Variants in RNF166 observed in about 807,000 individuals in gnomAD.
RNF166 encodes the protein E3 ubiquitin-protein ligase RNF166.
A neutral mutation model predicts 29.4 loss-of-function variants in RNF166; 19 were observed. The observed-to-expected ratio is 0.65, with a 90% CI of 0.45 to 0.95. The LOEUF is 0.95. Ranked by LOEUF, RNF166 falls within the 40% of genes least tolerant of loss-of-function variation. RNF166 has a pLI of 0.00. For missense variants in RNF166, 347 were observed against 322.1 expected, an observed-to-expected ratio of 1.08 and a Z score of -0.59; for synonymous variants, 171 against 134.5, an observed-to-expected ratio of 1.27 and a Z score of -1.88.
rs923986108 is a variant in RNF166 at position 88,703,137 on chromosome 16, T to C, written c.156-1719A>G. 14 of 985,320 alleles carry C rather than the reference T, an allele frequency of 1.4e-5. No homozygotes were observed. In the African/African-American group the frequency reaches 2.1e-4, roughly 15 times the overall value. The allele number at this position is 985,320 out of a possible 1,614,324, so 61.0% of individuals were successfully genotyped here. On this transcript the variant is annotated intron_variant, in intron 1 of 5. Transcript: ENST00000312838. ...CCGTGTCGTGGGGGTCCACTCACGC[T>C]CAACGTCCAGCAGAGAGAAACCCAG...
At chr16:88,698,359 T>A (rs955191656) in intron 5 of RNF166, 143 bp downstream of exon 5, 2 of 751,000 alleles carry the variant, frequency 2.7e-6, no homozygotes, top group South Asian at 2.9e-5. Flanking sequence ...CCACAGAACC[T>A]GGGGGAATGT....
intron 3 of RNF166, 109 bp downstream of exon 3, chr16:88,699,511 C>T (rs1236880052): frequency 4.7e-6 from 4 of 842,822 alleles, no homozygotes; most frequent in South Asian, 3.5e-5. Context: ...AGAGTGGACC[C>T]GGCCCCGGGT....
In RNF166 at chr16:88,697,483, G is replaced by C; in HGVS notation, c.*85C>G. On this transcript the variant is annotated 3_prime_UTR_variant, in exon 6 of 6. Coordinates refer to ENST00000312838, the MANE Select transcript of RNF166 (RefSeq NM_178841.4). ...TCCTCCTGTGAGCTCAGTCCGGTGAGGTGCGCTCCCGAGCAGGTGCCAGGT... is the reference window on the plus strand; with the variant it reads ...TCCTCCTGTGAGCTCAGTCCGGTGACGTGCGCTCCCGAGCAGGTGCCAGGT... 1.0e-6 allele frequency: 1 copy of C among 992,902 alleles called. No individual in the cohort carries two copies. The highest frequency in any genetic ancestry group is 1.5e-6 in the Non-Finnish European group (1 of 649,426). The allele number at this position is 992,902 out of a possible 1,614,324, so 61.5% of individuals were successfully genotyped here. A position where few individuals can be genotyped will look rare whatever the true frequency, so the allele number is the denominator to read the frequency against.
intron 1 of RNF166, 154 bp from the exon 2 acceptor site, chr16:88,701,572 T>G (rs1180856996): frequency 2.8e-6 from 2 of 708,400 alleles, no homozygotes; most frequent in African/African-American, 1.8e-5. Flanking sequence ...GTCACTCCTA[T>G]GTCCGGGGCC....
At chr16:88,700,883 G>A (rs915561429) in intron 2 of RNF166, 9 of 1,119,258 alleles carry the variant, frequency 8.0e-6, no homozygotes, top group Admixed American at 4.8e-5. Context: ...CTGTGCCCGC[G>A]GCCCTTGTGA....
chr16:88,698,735 G>T (rs1165303600), intron 4 of RNF166, 126 bp from the exon 5 acceptor site: 1 of 717,984 alleles, frequency 1.4e-6, no homozygotes, highest in African/African-American at 1.8e-5. Context: ...CCCAGACCTG[G>T]AGGCGCGTGT....
chr16:88,704,381 T>C (rs1910558075), intron 1 of RNF166: 9 of 985,256 alleles, frequency 9.1e-6, no homozygotes, highest in Non-Finnish European at 1.1e-5. Context: ...GAGACTAGGA[T>C]GGTCGTCATT....
At chr16:88,699,826 C>A in intron 2 of RNF166, 94 bp from the exon 3 acceptor site, 2 of 816,920 alleles carry the variant, frequency 2.4e-6, no homozygotes, top group South Asian at 3.6e-5. Context: ...GACCAGAGAA[C>A]TGTAAGCAAG....
Position 88,696,757 on chromosome 16 carries a change from C to T in RNF166, c.*811G>A. ...CTGCCGGCCCCGCCTCTGCTGGGAG[C>T]AGCCACAGCCTGTGGCTGGGGTGCT... is the stretch of plus-strand genomic sequence containing the variant. On this transcript the variant is annotated 3_prime_UTR_variant, in exon 6 of 6. Coordinates refer to ENST00000312838, the MANE Select transcript of RNF166 (RefSeq NM_178841.4). 7.8e-6 allele frequency: 3 copies of T among 384,898 alleles called. No homozygotes were observed. Among genetic ancestry groups the T allele is most frequent in the Non-Finnish European group, 1.5e-5 (3 of 197,162 alleles). 23.8% of individuals were successfully genotyped at this position (384,898 alleles called of 1,614,324 possible). A position where few individuals can be genotyped will look rare whatever the true frequency, so the allele number is the denominator to read the frequency against.
rs531640048 is a variant in RNF166 at position 88,706,379 on chromosome 16, C to A, written c.-54G>T. On this transcript the variant is annotated 5_prime_UTR_variant, in exon 1 of 6. Coordinates refer to ENST00000312838, the MANE Select transcript of RNF166 (RefSeq NM_178841.4). ...CCCGCTGTCCTGGCCCGGGCCGGCC[C>A]GCTAGTCACAGCCGCTACTGCGCCG... 707 of 1,216,822 alleles carry A rather than the reference C, an allele frequency of 5.8e-4. No homozygotes were observed. Among genetic ancestry groups the A allele is most frequent in the Admixed American group, 1.2e-3 (27 of 22,896 alleles). The allele number at this position is 1,216,822 out of a possible 1,614,324, so 75.4% of individuals were successfully genotyped here. A position where few individuals can be genotyped will look rare whatever the true frequency, so the allele number is the denominator to read the frequency against.
intron 1 of RNF166, among the ~76,000 whole-genome samples, chr16:88,704,687 C>G (rs1009475549): frequency 1.3e-5 from 2 of 152,196 alleles, no homozygotes; most frequent in African/African-American, 2.4e-5. Context: ...CACCCGCTAC[C>G]TGCTCACAAG....
At chr16:88,701,576 CG>C (rs1910238160) in intron 1 of RNF166, 158 bp from the exon 2 acceptor site, 3 of 684,034 alleles carry the variant, frequency 4.4e-6, no homozygotes, top group Non-Finnish European at 7.0e-6. Context: ...CTCCTATGTC[CG>C]GGGCCCACCA....
chr16:88,699,797 C>T lies in RNF166; in HGVS notation c.313-65G>A, dbSNP rs142744254. 11,619 of 1,223,412 alleles carry T rather than the reference C, an allele frequency of 9.5e-3. 83 individuals are homozygous for T. The highest frequency in any genetic ancestry group is 0.012 in the Non-Finnish European group (10,562 of 855,026). 75.8% of individuals were successfully genotyped at this position (1,223,412 alleles called of 1,614,324 possible). A position where few individuals can be genotyped will look rare whatever the true frequency, so the allele number is the denominator to read the frequency against. On this transcript the variant is annotated intron_variant, in intron 2 of 5. Transcript: ENST00000312838. ...TCTGGAAGGGCCGTCCTGGGGAGGCCGAGACCTCAGGTGTCCAGGACCAGA... is the reference window on the plus strand; with the variant it reads ...TCTGGAAGGGCCGTCCTGGGGAGGCTGAGACCTCAGGTGTCCAGGACCAGA...
intron 1 of RNF166, chr16:88,702,830 T>C: frequency 1.0e-6 from 1 of 985,504 alleles, no homozygotes; most frequent in Non-Finnish European, 1.2e-6. Flanking sequence ...TCCCTGGCAC[T>C]GACCCCTGGA....
At chr16:88,704,253 G>A (rs1403704795) in intron 1 of RNF166, 4 of 985,348 alleles carry the variant, frequency 4.1e-6, no homozygotes, top group Non-Finnish European at 4.8e-6. Flanking sequence ...ACACCAACAA[G>A]AAACAAAGTT....
At chr16:88,700,400 G>C (rs528336093) in intron 2 of RNF166, 51 of 158,316 alleles carry the variant, frequency 3.2e-4, no homozygotes, top group Non-Finnish European at 6.1e-4. Flanking sequence ...GGCTGCCCAG[G>C]AGAGAAGAAC....
chr16:88,701,121 G>A, intron 2 of RNF166, 141 bp downstream of exon 2: 1 of 1,277,754 alleles, frequency 7.8e-7, no homozygotes, highest in Non-Finnish European at 1.1e-6. Context: ...CGCCGGGGCT[G>A]GCTTCCTGGT....
chr16:88,698,128 G>A (rs1481356695), intron 5 of RNF166: 26 of 590,240 alleles, frequency 4.4e-5, no homozygotes, highest in South Asian at 1.2e-4. Context: ...GACCCGCGGC[G>A]GGTGGGAAAA....
chr16:88,703,814 G>C, intron 1 of RNF166: 1 of 985,438 alleles, frequency 1.0e-6, no homozygotes, highest in Non-Finnish European at 1.2e-6. Context: ...ACTGGCCGCT[G>C]CACAAGCTGA....
Sources: gnomAD v4.1 joint callset for allele counts (sites outside exome capture counted in the v4.1 genomes callset) on GRCh38, gnomAD v4.1.1 for gene constraint, MANE v1.5 for transcripts, NCBI Gene and HGNC (gene_info 2026-07-23, HGNC 2026-07-21) for gene names.